ANKRD18A: variants seen among roughly 807,000 people sequenced by gnomAD.
ANKRD18A encodes the protein ankyrin repeat domain-containing protein 18A.
In ANKRD18A, 72 loss-of-function variants were observed where a neutral mutation model predicts 110.6. The ratio of observed to expected loss-of-function variants is 0.65; its 90% confidence interval spans 0.54 to 0.79. The LOEUF is 0.79. Among genes scored for constraint, ANKRD18A ranks in the 30% least tolerant of loss-of-function variants. ANKRD18A has a pLI of 0.00. For synonymous variants in ANKRD18A, 305 were observed against 410.3 expected (o/e 0.74, Z 3.10); for missense variants, 934 against 1,163.3 (o/e 0.80, Z 2.87).
intron 10 of ANKRD18A, among the ~76,000 whole-genome samples, chr9:38,589,202 A>T (rs1180162267): frequency 6.6e-6 from 1 of 152,096 alleles, no homozygotes; most frequent in Non-Finnish European, 1.5e-5. Context: ...AACAAAGTTT[A>T]TTTTTTCTAC....
intron 12 of ANKRD18A, among the ~76,000 whole-genome samples, chr9:38,582,184 C>T (rs1824193125): frequency 6.6e-6 from 1 of 151,974 alleles, no homozygotes; most frequent in Non-Finnish European, 1.5e-5. Flanking sequence ...AAACATAAGG[C>T]ACTAAATAGT....
chr9:38,597,148 G>C (rs1310855704), intron 8 of ANKRD18A, among the ~76,000 whole-genome samples: 1 of 152,132 alleles, frequency 6.6e-6, no homozygotes, highest in Non-Finnish European at 1.5e-5. Flanking sequence ...CATAAAATGT[G>C]TCTTCTGCCT....
chr9:38,604,866 T>C lies in ANKRD18A; in HGVS notation c.809-1654A>G, dbSNP rs1825283166. On this transcript the variant is annotated intron_variant, in intron 6 of 15. Transcript: ENST00000399703. ...AAAGTTCACTCAGGTGTCCTACCTT[T>C]TGAACTTGCTCCTTGTGTTTTAAAA... 3.9e-5 allele frequency: 6 copies of C among 154,826 alleles called. No homozygotes were observed. In the Admixed American group the frequency reaches 4.0e-4, roughly 10 times the overall value. The allele number at this position is 154,826 out of a possible 1,614,324, so 9.6% of individuals were successfully genotyped here. A position where few individuals can be genotyped will look rare whatever the true frequency, so the allele number is the denominator to read the frequency against.
At chr9:38,574,274 AT>A (rs779061404) in intron 15 of ANKRD18A, among the ~76,000 whole-genome samples, 41 of 152,266 alleles carry the variant, frequency 2.7e-4, no homozygotes, top group Non-Finnish European at 5.6e-4. Context: ...TATATATGGA[AT>A]TTTCCAATCT....
chr9:38,616,204 C>T (rs1825850074), intron 1 of ANKRD18A, among the ~76,000 whole-genome samples, 160 bp from the exon 2 acceptor site: 1 of 152,204 alleles, frequency 6.6e-6, no homozygotes, highest in Non-Finnish European at 1.5e-5. Context: ...TTACTGCTCC[C>T]TACCTTAATG....
Position 38,610,282 on chromosome 9 carries a change from T to C in ANKRD18A, c.731A>G (p.Asp244Gly). Residue 244 changes from aspartate to glycine, a missense_variant, in exon 5 of 16, where the codon GAT becomes GGT. Asp to Gly is a moderately conservative substitution (Grantham distance 94). Transcript: ENST00000399703. The stretch of plus-strand genomic sequence containing the variant: ...TAATATAAGCACATACCTTCTCAAA[T>C]CAGAACAAAGAGCATAATCCTCGGC... ...QTAEDYALCS[D>G]LRSIRQQILE... 1 of 1,540,088 alleles carries C rather than the reference T, an allele frequency of 6.5e-7. No homozygotes were observed. The highest frequency in any genetic ancestry group is 1.2e-5 in the South Asian group (1 of 81,114).
intron 3 of ANKRD18A, among the ~76,000 whole-genome samples, chr9:38,612,929 A>G (rs1825698327): frequency 6.6e-6 from 1 of 151,694 alleles, no homozygotes; most frequent in East Asian, 1.9e-4. Context: ...AGGCATTCTT[A>G]TGAGCAGATG....
intron 1 of ANKRD18A, among the ~76,000 whole-genome samples, chr9:38,618,862 A>G (rs1474353021): frequency 7.4e-5 from 11 of 147,886 alleles, no homozygotes; most frequent in Admixed American, 2.7e-4. Context: ...CTGTATATAT[A>G]TAACTGATAT....
At chr9:38,599,547 C>T (rs964951598) in intron 8 of ANKRD18A, among the ~76,000 whole-genome samples, 14 of 152,044 alleles carry the variant, frequency 9.2e-5, no homozygotes, top group African/African-American at 3.1e-4. Flanking sequence ...TCAACACAAC[C>T]TCTGCCTCTC....
downstream of ANKRD18A, among the ~76,000 whole-genome samples, chr9:38,570,765 G>T (rs1319635482): frequency 6.6e-6 from 1 of 152,202 alleles, no homozygotes; most frequent in African/African-American, 2.4e-5. Context: ...GGGCTGCAAG[G>T]CCTCTCCTCC....
intron 3 of ANKRD18A, among the ~76,000 whole-genome samples, chr9:38,612,517 TTTTC>T (rs1825667777): frequency 8.5e-6 from 1 of 118,012 alleles, no homozygotes; most frequent in Non-Finnish European, 1.6e-5. Context: ...ATTTTTTTCT[TTTTC>T]TTTTTTTTTT....
rs767521802 is a variant in ANKRD18A, at chr9:38,596,224, A to T, written c.1116T>A (p.Ser372Arg). The T allele has an allele frequency of 7.8e-6, 12 of 1,538,074 alleles. No homozygotes were observed. The South Asian group carries it at 1.5e-4, about 19-fold the overall frequency. ...ITEINANFEK[S>R]VRLNEKMITK... ...TTATCATTTTTTCATTGAGTCTTACACTCTTTTCAAAGTTAGCATTTATTT... is the reference window on the plus strand; with the variant it reads ...TTATCATTTTTTCATTGAGTCTTACTCTCTTTTCAAAGTTAGCATTTATTT... Residue 372 changes from serine to arginine, a missense_variant, in exon 9 of 16, where the codon AGT (serine) becomes AGA (arginine). Physicochemically the swap from Ser to Arg is moderately radical, Grantham distance 110. Transcript: ENST00000399703.
chr9:38,575,326 A>G, intron 15 of ANKRD18A, 150 bp downstream of exon 15: 1 of 841,974 alleles, frequency 1.2e-6, no homozygotes, highest in Non-Finnish European at 1.7e-6. Context: ...TAAAAAATGT[A>G]AAGTTTCCAT....
intron 12 of ANKRD18A, among the ~76,000 whole-genome samples, chr9:38,584,241 G>A (rs1330280049): frequency 1.3e-5 from 2 of 152,178 alleles, no homozygotes; most frequent in African/African-American, 2.4e-5. Context: ...ACTAAGGAGC[G>A]AAAGCCCTGC....
intron 6 of ANKRD18A, among the ~76,000 whole-genome samples, chr9:38,603,619 C>T (rs1825224737): frequency 6.6e-6 from 1 of 152,044 alleles, no homozygotes; most frequent in South Asian, 2.1e-4. Flanking sequence ...ACCACATGGC[C>T]TTCAGCTGCT....
At chr9:38,569,933 T>C (rs1823579705), downstream of ANKRD18A, among the ~76,000 whole-genome samples, 1 of 152,156 alleles carries the variant, frequency 6.6e-6, no homozygotes, top group South Asian at 2.1e-4. Context: ...TGCCAAGCAG[T>C]GCTGAATTCA....
intron 11 of ANKRD18A, among the ~76,000 whole-genome samples, chr9:38,587,404 A>G (rs1197409455): frequency 6.6e-6 from 1 of 152,188 alleles, no homozygotes; most frequent in Admixed American, 6.5e-5. Context: ...GTCTGTGATC[A>G]AAACATGAAT....
intron 13 of ANKRD18A, 125 bp from the exon 14 acceptor site, chr9:38,577,389 C>A: frequency 1.1e-6 from 1 of 936,204 alleles, no homozygotes. Flanking sequence ...GAGGCTGAAG[C>A]TTAAAATATT....
downstream of ANKRD18A, chr9:38,567,321 C>A (rs1056657849): frequency 9.8e-5 from 15 of 152,322 alleles, no homozygotes; most frequent in African/African-American, 3.6e-4. Flanking sequence ...TATCTCTTTG[C>A]TAGTGTTATT....
Sources: gnomAD v4.1 joint callset for allele counts (sites outside exome capture counted in the v4.1 genomes callset) on GRCh38, gnomAD v4.1.1 for gene constraint, MANE v1.5 for transcripts, NCBI Gene and HGNC (gene_info 2026-07-23, HGNC 2026-07-21) for gene names.